The following TMED6 variants were observed in gnomAD, a reference collection of about 807,000 sequenced individuals.
The protein encoded by TMED6 is transmembrane emp24 domain-containing protein 6.
TMED6 carries 17 observed loss-of-function variants against 26.5 expected under a neutral mutation model. The ratio of observed to expected loss-of-function variants is 0.64; its 90% CI spans 0.44 to 0.96. The LOEUF (loss-of-function observed/expected upper bound fraction) is 0.96. TMED6 is among the 40% of genes least tolerant of loss of function. The pLI, the probability that TMED6 is intolerant of heterozygous loss-of-function variation, is 0.00. For synonymous variants in TMED6, 107 were observed against 106.2 expected (o/e 1.01, Z -0.04); for missense variants, 309 against 296.5 (o/e 1.04, Z -0.31).
In TMED6 at chr16:69,347,946, T is replaced by G; in HGVS notation, c.341-10A>C. ...CAAAGCTGATAAAAACCTGTAGGAA[T>G]TCTTAGATCATTACCAAGTCTTTGG... On this transcript the variant is annotated splice_polypyrimidine_tract_variant and intron_variant, in intron 2 of 3. Coordinates refer to ENST00000288025, the MANE Select transcript of TMED6 (RefSeq NM_144676.4). 6.2e-7 allele frequency: 1 copy of G among 1,613,734 alleles called. No homozygotes were observed. Among genetic ancestry groups the G allele is most frequent in the African/African-American group, 1.3e-5 (1 of 75,010 alleles).
chr16:69,349,434 CT>C (rs752335784), intron 2 of TMED6, 90 bp downstream of exon 2: 138 of 1,453,908 alleles, frequency 9.5e-5, no homozygotes, highest in Non-Finnish European at 1.2e-4. Context: ...TTTTTTCCTA[CT>C]GTTAAAACAT....
chr16:69,347,958 T>C, intron 2 of TMED6, 22 bp from the exon 3 acceptor site: 1 of 1,612,976 alleles, frequency 6.2e-7, no homozygotes, highest in Non-Finnish European at 8.5e-7. Flanking sequence ...CTTAGATCAT[T>C]ACCAAGTCTT....
At chr16:69,345,800 C>T (rs1462303881) in intron 3 of TMED6, among the ~76,000 whole-genome samples, 1 of 151,832 alleles carries the variant, frequency 6.6e-6, no homozygotes. Flanking sequence ...CTAAGCCTCC[C>T]GAGTGGCTGG....
chr16:69,349,665 T>A lies in TMED6; in HGVS notation c.214-14A>T. ...TGTCCGCTGAACCTGCCAAGACACATTAAATAGGTAGCAGAACCCCTGCTA... is the reference window on the plus strand; with the variant it reads ...TGTCCGCTGAACCTGCCAAGACACAATAAATAGGTAGCAGAACCCCTGCTA... On this transcript the variant is annotated splice_polypyrimidine_tract_variant and intron_variant, in intron 1 of 3. Transcript: ENST00000288025. The A allele has an allele frequency of 6.2e-7, 1 of 1,610,046 alleles. No homozygotes were observed. Among genetic ancestry groups the A allele is most frequent in the Non-Finnish European group, 8.5e-7 (1 of 1,177,390 alleles).
chr16:69,349,318 A>G (rs1371700780), intron 2 of TMED6, among the ~76,000 whole-genome samples: 1 of 152,208 alleles, frequency 6.6e-6, no homozygotes, highest in Non-Finnish European at 1.5e-5. Flanking sequence ...TAGACTTAGA[A>G]TGCTCACCTG....
intron 3 of TMED6, among the ~76,000 whole-genome samples, chr16:69,345,039 A>G (rs2012661491): frequency 6.6e-6 from 1 of 152,196 alleles, no homozygotes; most frequent in Non-Finnish European, 1.5e-5. Context: ...CAGTGAGCCA[A>G]AATTGTGCCA....
chr16:69,349,825 G>A (rs2012747654), intron 1 of TMED6, among the ~76,000 whole-genome samples, 174 bp from the exon 2 acceptor site: 1 of 152,126 alleles, frequency 6.6e-6, no homozygotes, highest in South Asian at 2.1e-4. Flanking sequence ...GTATCACAGT[G>A]ATGGTGTTAA....
At chr16:69,349,433 A>T in intron 2 of TMED6, 92 bp downstream of exon 2, 1 of 1,446,156 alleles carries the variant, frequency 6.9e-7, no homozygotes, top group Admixed American at 2.1e-5. Context: ...TTTTTTTCCT[A>T]CTGTTAAAAC....
At chr16:69,346,615 T>A (rs1474956760) in intron 3 of TMED6, among the ~76,000 whole-genome samples, 1 of 151,966 alleles carries the variant, frequency 6.6e-6, no homozygotes, top group East Asian at 1.9e-4. Context: ...AATGCAAAAA[T>A]TAGCCGGGCA....
chr16:69,343,412 A>G lies in TMED6; in HGVS notation c.718T>C (p.Cys240Arg). Reference protein sequence around the residue: ...PTTTDTKKPRC With the variant: ...PTTTDTKKPRR ...GGTGCTATAGTCACCTTAGCTTAGC[A>G]TCTTGGCTTCTTTGTATCTGTAGTT... Residue 240 changes from cysteine (C) to arginine (R), a missense_variant, in exon 4 of 4, where the codon TGC becomes CGC. Cys to Arg is a radical substitution (Grantham distance 180). Coordinates refer to ENST00000288025, the MANE Select transcript of TMED6 (RefSeq NM_144676.4). 1.9e-6 allele frequency: 3 copies of G among 1,613,966 alleles called. No individual in the cohort carries two copies. In the South Asian group the frequency reaches 3.3e-5, roughly 18 times the overall value.
chr16:69,349,721 T>C (rs1008345288), intron 1 of TMED6, 70 bp from the exon 2 acceptor site: 38 of 1,571,484 alleles, frequency 2.4e-5, no homozygotes, highest in Admixed American at 6.9e-5. Context: ...AGTGGTAAGA[T>C]TGACGTCCCA....
chr16:69,349,780 C>A (rs2012747155), intron 1 of TMED6, 129 bp from the exon 2 acceptor site: 1 of 1,190,302 alleles, frequency 8.4e-7, no homozygotes, highest in East Asian at 2.6e-5. Flanking sequence ...GCCCAACCCC[C>A]TGCTGGGGTT....
At position 69,347,899 on chromosome 16, in the gene TMED6, G is replaced by A. The variant is rs769662495; in HGVS notation, c.378C>T (p.His126=). Residue 126 remains histidine, a synonymous_variant, in exon 3 of 4, where the codon CAC becomes CAT. Transcript: ENST00000288025. ...YQLCLSNQHN[H]FGSVQVYLNF... ...TGAGGTACACTTGCACAGAACCGAA[G>A]TGATTATGCTGATTACTTAGACAAA... The A allele has an allele frequency of 6.2e-7, 1 of 1,614,134 alleles. No individual in the cohort carries two copies. Among genetic ancestry groups the A allele is most frequent in the South Asian group, 1.1e-5 (1 of 91,080 alleles).
intron 2 of TMED6, 70 bp downstream of exon 2, chr16:69,349,455 C>G: frequency 6.5e-7 from 1 of 1,547,992 alleles, no homozygotes. Flanking sequence ...TCTCTGTATA[C>G]TTCCTCATTA....
chr16:69,351,729 C>A lies in TMED6; in HGVS notation c.25G>T (p.Gly9Trp), dbSNP rs1031345400. The change falls in exon 1 of 4, where the codon GGG (glycine) becomes TGG (tryptophan). Residue 9 changes from glycine to tryptophan, a missense_variant. By Grantham distance (184) the Gly-to-Trp change is radical (BLOSUM62 -2). Transcript: ENST00000288025. MSPLLFGA[G>W]LVVLNLVTSA... ...GTCACTAGATTCAGAACGACCAGCC[C>A]AGCCCCAAAGAGCAAAGGGGACATG... The A allele has an allele frequency of 6.2e-7, 1 of 1,613,250 alleles. No individual in the cohort carries two copies. Among genetic ancestry groups the A allele is most frequent in the Non-Finnish European group, 8.5e-7 (1 of 1,179,990 alleles).
intron 3 of TMED6, among the ~76,000 whole-genome samples, chr16:69,345,272 G>A (rs768737219): frequency 1.7e-4 from 26 of 148,896 alleles, no homozygotes; most frequent in African/African-American, 5.2e-4. Flanking sequence ...ATGAAACTCC[G>A]TCTCAAAAAA....
At chr16:69,350,126 G>C (rs2012751737) in intron 1 of TMED6, among the ~76,000 whole-genome samples, 1 of 151,752 alleles carries the variant, frequency 6.6e-6, no homozygotes, top group African/African-American at 2.4e-5. Context: ...ACAAAAATTA[G>C]CCTGGCATGG....
In TMED6 at chr16:69,347,954, T is replaced by A. The variant is rs750940259; in HGVS notation, c.341-18A>T. The A allele has an allele frequency of 1.5e-5, 24 of 1,613,308 alleles. No individual in the cohort carries two copies. Among genetic ancestry groups the A allele is most frequent in the Non-Finnish European group, 1.9e-5 (23 of 1,179,634 alleles). On this transcript the variant is annotated intron_variant, in intron 2 of 3. Coordinates refer to ENST00000288025, the MANE Select transcript of TMED6 (RefSeq NM_144676.4). ...ATAAAAACCTGTAGGAATTCTTAGA[T>A]CATTACCAAGTCTTTGGTCTCCTCC...
intron 3 of TMED6, among the ~76,000 whole-genome samples, chr16:69,347,002 C>A (rs2012696627): frequency 6.6e-6 from 1 of 152,014 alleles, no homozygotes; most frequent in South Asian, 2.1e-4. Flanking sequence ...CAAGCCACTG[C>A]ACACTGCAGC....
Sources: allele counts gnomAD v4.1 joint callset (sites outside exome capture counted in the v4.1 genomes callset), GRCh38; gene constraint gnomAD v4.1.1; transcripts MANE v1.5; gene names NCBI Gene and HGNC (gene_info 2026-07-23, HGNC 2026-07-21).